KCNH1: variants seen among roughly 807,000 people sequenced by gnomAD.
KCNH1 encodes the protein potassium voltage-gated channel subfamily H member 1.
A neutral mutation model predicts 69.2 loss-of-function variants in KCNH1; 27 were observed. The observed-to-expected ratio is 0.39, with a 90% CI of 0.29 to 0.54. KCNH1 has a LOEUF of 0.54. KCNH1 is among the 20% of genes least tolerant of loss of function. The pLI is 0.68. For missense variants in KCNH1, 798 were observed against 1,261.6 expected, an observed-to-expected ratio of 0.63 and a Z score of 5.57; for synonymous variants, 456 against 487.7, an observed-to-expected ratio of 0.93 and a Z score of 0.86.
At chr1:210,900,520 G>C (rs1171541453) in intron 7 of KCNH1, among the ~76,000 whole-genome samples, 1 of 152,204 alleles carries the variant, frequency 6.6e-6, no homozygotes, top group Non-Finnish European at 1.5e-5. Flanking sequence ...GAAGCACTTG[G>C]GTATGTTGAG....
Position 210,683,416 on chromosome 1 carries a change from G to A in KCNH1, c.2835C>T (p.Thr945=), listed in dbSNP as rs1681323400. ...TCTCAGAGAGCTGTTTCTCAATATT[G>A]GTCATTTTGGCGTTTAAGGCCTTGA... ...EDIKALNAKM[T]NIEKQLSEIL... Residue 945 remains threonine, a synonymous_variant, in exon 11 of 11, where the codon ACC becomes ACT. Transcript: ENST00000271751. The surrounding 1 kb of genome is among the most constrained non-coding windows in gnomAD (Gnocchi z 5.7). 6.2e-7 allele frequency: 1 copy of A among 1,614,108 alleles called. No individual in the cohort carries two copies. The highest frequency in any genetic ancestry group is 8.5e-7 in the Non-Finnish European group (1 of 1,180,014).
intron 1 of KCNH1, among the ~76,000 whole-genome samples, chr1:211,107,828 T>C (rs1430389758): frequency 6.6e-6 from 1 of 152,160 alleles, no homozygotes; most frequent in Non-Finnish European, 1.5e-5. Context: ...TGACCCTAAC[T>C]AGGATTTGCC....
intron 6 of KCNH1, among the ~76,000 whole-genome samples, chr1:210,979,388 T>C (rs556722651): frequency 1.3e-4 from 20 of 152,236 alleles, no homozygotes; most frequent in Non-Finnish European, 2.1e-4. Flanking sequence ...TCCAGCTTTA[T>C]AGTTGCTTTT....
rs1442131054 is a variant in KCNH1 at position 211,019,066 on chromosome 1, C to A, written c.749G>T (p.Trp250Leu). ...ATCCACGATGCTATCAACAACCAGC[C>A]AGGCCACATTATTCTGCCTGGTTTT... Reference protein sequence around the residue: ...SFKTRQNNVAWLVVDSIVDVI... With the variant: ...SFKTRQNNVALLVVDSIVDVI... Residue 250 changes from tryptophan to leucine, a missense_variant, in exon 6 of 11, where the codon TGG becomes TTG. Coordinates refer to ENST00000271751, the MANE Select transcript of KCNH1 (RefSeq NM_172362.3). 1.9e-6 allele frequency: 3 copies of A among 1,614,060 alleles called. No homozygotes were observed. The highest frequency in any genetic ancestry group is 2.5e-6 in the Non-Finnish European group (3 of 1,179,982).
intron 6 of KCNH1, among the ~76,000 whole-genome samples, chr1:210,930,163 C>G (rs1423509809): frequency 6.6e-6 from 1 of 152,070 alleles, no homozygotes; most frequent in Non-Finnish European, 1.5e-5. Context: ...TCATTCTTCA[C>G]AGAACTAGAA....
chr1:210,941,619 A>G, intron 6 of KCNH1, among the ~76,000 whole-genome samples: 1 of 152,100 alleles, frequency 6.6e-6, no homozygotes, highest in East Asian at 1.9e-4. Flanking sequence ...CACCCTCAGA[A>G]AAAGAGCTTG....
At chr1:211,110,600 C>T (rs1247313667) in intron 1 of KCNH1, among the ~76,000 whole-genome samples, 1 of 151,994 alleles carries the variant, frequency 6.6e-6, no homozygotes, top group Non-Finnish European at 1.5e-5. Flanking sequence ...ATTTAATTAT[C>T]ATAAGTATCT....
At chr1:210,890,052 T>G (rs1188771910) in intron 7 of KCNH1, among the ~76,000 whole-genome samples, 2 of 152,086 alleles carry the variant, frequency 1.3e-5, no homozygotes, top group Non-Finnish European at 2.9e-5. Flanking sequence ...ACTTTAAATT[T>G]CATATGGAAT....
chr1:211,022,712 G>A (rs1293139905), intron 5 of KCNH1, among the ~76,000 whole-genome samples: 1 of 152,006 alleles, frequency 6.6e-6, no homozygotes, highest in Non-Finnish European at 1.5e-5. Flanking sequence ...GGCTAACAGG[G>A]ATATGAAAAA....
At chr1:210,974,775 G>A (rs1688572866) in intron 6 of KCNH1, among the ~76,000 whole-genome samples, 1 of 151,966 alleles carries the variant, frequency 6.6e-6, no homozygotes. Context: ...TGTTATCCAC[G>A]ATGGTCTTGA....
intron 6 of KCNH1, among the ~76,000 whole-genome samples, chr1:210,923,191 T>C (rs1254955874): frequency 6.6e-6 from 1 of 152,206 alleles, no homozygotes; most frequent in Non-Finnish European, 1.5e-5. Flanking sequence ...ACATGATAAC[T>C]GAAAATATAT....
intron 10 of KCNH1, among the ~76,000 whole-genome samples, chr1:210,689,661 C>T (rs147063084): frequency 6.9e-4 from 105 of 152,336 alleles, no homozygotes; most frequent in African/African-American, 2.5e-3. Context: ...CTGAAATGCT[C>T]AGCAGTAGAA....
At chr1:211,035,448 C>A (rs1689880037) in intron 5 of KCNH1, among the ~76,000 whole-genome samples, 2 of 151,094 alleles carry the variant, frequency 1.3e-5, no homozygotes, top group South Asian at 4.2e-4. Context: ...CGGGGTTTCA[C>A]CGTTTTAGCC....
At chr1:210,837,818 G>A (rs1373617174) in intron 7 of KCNH1, among the ~76,000 whole-genome samples, 1 of 152,118 alleles carries the variant, frequency 6.6e-6, no homozygotes, top group Non-Finnish European at 1.5e-5. Context: ...GTTATTTAGA[G>A]GGTTAAATGA....
chr1:210,859,648 G>T, intron 7 of KCNH1: 1 of 1,318,298 alleles, frequency 7.6e-7, no homozygotes, highest in East Asian at 2.3e-5. Context: ...CTTGTGTTCT[G>T]CATGGCAGGC....
At chr1:210,902,167 C>T (rs891512911) in intron 7 of KCNH1, among the ~76,000 whole-genome samples, 3 of 152,200 alleles carry the variant, frequency 2.0e-5, no homozygotes, top group Non-Finnish European at 4.4e-5. Flanking sequence ...GCAACCTTCC[C>T]GCCAGGAGCA....
intron 6 of KCNH1, among the ~76,000 whole-genome samples, chr1:210,947,345 G>A (rs1222429567): frequency 6.6e-6 from 1 of 151,890 alleles, no homozygotes; most frequent in Non-Finnish European, 1.5e-5. Context: ...CGAGGCGGGC[G>A]GATCACGAGG....
chr1:210,945,136 C>T (rs1687935764), intron 6 of KCNH1, among the ~76,000 whole-genome samples: 1 of 152,200 alleles, frequency 6.6e-6, no homozygotes, highest in Admixed American at 6.5e-5. Context: ...GTGTTTAACA[C>T]ATTTTGCTTG....
chr1:210,718,420 TA>T (rs369675715), intron 10 of KCNH1, among the ~76,000 whole-genome samples: 1 of 564 alleles, frequency 1.8e-3, no homozygotes. Flanking sequence ...TGTATATATA[TA>T]AAATATATAC....
Sources: allele counts gnomAD v4.1 joint callset (sites outside exome capture counted in the v4.1 genomes callset), GRCh38; gene constraint gnomAD v4.1.1; non-coding constraint Gnocchi (gnomAD v3.1); transcripts MANE v1.5; gene names NCBI Gene and HGNC (gene_info 2026-07-23, HGNC 2026-07-21).